RNF111: variants seen among roughly 807,000 people sequenced by gnomAD.
RNF111 encodes the protein ring finger protein 111, also known as E3 ubiquitin-protein ligase Arkadia.
RNF111 carries 17 observed loss-of-function variants against 95.1 expected under a neutral mutation model. That is an observed-to-expected ratio of 0.18 (90% confidence interval 0.12 to 0.27). The LOEUF (loss-of-function observed/expected upper bound fraction) is 0.27. Ranked by LOEUF, RNF111 falls within the 10% of genes least tolerant of loss-of-function variation. RNF111 has a pLI of 1.00. For synonymous variants in RNF111, 440 were observed against 414.8 expected (o/e 1.06, Z -0.74); for missense variants, 1,189 against 1,210.4 (o/e 0.98, Z 0.26).
chr15:58,990,522 C>T (rs766222162), intron 1 of RNF111, among the ~76,000 whole-genome samples: 28 of 152,106 alleles, frequency 1.8e-4, no homozygotes, highest in African/African-American at 5.6e-4. Context: ...TAGTGGTGTG[C>T]GCCTGTAGTC....
chr15:59,046,672 G>A (rs1350707626), intron 2 of RNF111, among the ~76,000 whole-genome samples: 3 of 152,094 alleles, frequency 2.0e-5, no homozygotes, highest in African/African-American at 4.8e-5. Flanking sequence ...TTAGACAAAG[G>A]TTTCTTAAAT....
At chr15:59,056,996 T>C (rs1483816698) in intron 4 of RNF111, among the ~76,000 whole-genome samples, 1 of 152,180 alleles carries the variant, frequency 6.6e-6, no homozygotes, top group Non-Finnish European at 1.5e-5. Flanking sequence ...TTCCCCCCAC[T>C]AGTTTTTCTC....
At chr15:59,070,891 A>G (rs16940989) in intron 6 of RNF111, among the ~76,000 whole-genome samples, 7,737 of 152,194 alleles carry the variant, frequency 0.051, 696 homozygotes, top group African/African-American at 0.18. Context: ...AGCTTCCAGT[A>G]TTGCACAGTT....
chr15:59,036,148 T>A (rs1232017888), intron 2 of RNF111, among the ~76,000 whole-genome samples: 1 of 152,096 alleles, frequency 6.6e-6, no homozygotes, highest in Non-Finnish European at 1.5e-5. Flanking sequence ...TGATCTTGGC[T>A]CACTGCAACC....
intron 12 of RNF111, among the ~76,000 whole-genome samples, chr15:59,092,203 TAAA>T (rs1373108598): frequency 7.2e-5 from 11 of 152,142 alleles, no homozygotes; most frequent in Non-Finnish European, 4.4e-5. Context: ...CATTCACTAA[TAAA>T]AAAAACTTAT....
chr15:59,072,256 ATTGAT>A (rs1341080090), intron 6 of RNF111, among the ~76,000 whole-genome samples: 3 of 152,104 alleles, frequency 2.0e-5, no homozygotes, highest in African/African-American at 7.2e-5. Flanking sequence ...AGTTTGCTGC[ATTGAT>A]TGACTGTTAC....
chr15:59,073,850 AT>A (rs1274981986), intron 6 of RNF111, among the ~76,000 whole-genome samples: 2 of 152,152 alleles, frequency 1.3e-5, no homozygotes, highest in Non-Finnish European at 2.9e-5. Context: ...TATGAAATGT[AT>A]TTCTTTAATA....
At chr15:59,076,318 ATTTAC>A in intron 7 of RNF111, 103 bp downstream of exon 7, 1 of 1,338,734 alleles carries the variant, frequency 7.5e-7, no homozygotes. Flanking sequence ...AATTTTTAGT[ATTTAC>A]TTGGCTTAAG....
Position 59,031,370 on chromosome 15 carries a change from A to C in RNF111, c.548A>C (p.Lys183Thr). ...KSRSHSARSH[K>T]WPRTETESVS... ...AGAAGCCATAGTGCACGGTCTCATA[A>C]GTGGCCTCGGACTGAGACAGAATCT... The change falls in exon 2 of 14, where the codon AAG (lysine) becomes ACG (threonine). Residue 183 changes from lysine to threonine, a missense_variant. By Grantham distance (78) the Lys-to-Thr change is moderately conservative. Around this residue, in one of 2 missense-constraint regions of RNF111, gnomAD observed 1,024 missense variants for 925.9 expected, o/e 1.11. Coordinates refer to ENST00000348370, the MANE Select transcript of RNF111 (RefSeq NM_017610.8). 1 of 1,614,206 alleles carries C rather than the reference A, an allele frequency of 6.2e-7. No individual in the cohort carries two copies. The highest frequency in any genetic ancestry group is 8.5e-7 in the Non-Finnish European group (1 of 1,180,038).
chr15:59,055,581 G>C (rs968738485), intron 3 of RNF111, 101 bp from the exon 4 acceptor site: 1 of 880,784 alleles, frequency 1.1e-6, no homozygotes, highest in South Asian at 2.6e-5. Flanking sequence ...GAGAAATCTT[G>C]TATGAAAAAC....
At chr15:59,002,538 A>AT (rs1286302390) in intron 1 of RNF111, among the ~76,000 whole-genome samples, 2 of 147,756 alleles carry the variant, frequency 1.4e-5, no homozygotes, top group Admixed American at 1.4e-4. Context: ...GAAAGCCCTC[A>AT]TAACTGTGCA....
intron 1 of RNF111, among the ~76,000 whole-genome samples, chr15:59,006,904 G>GC (rs1344313448): frequency 6.6e-6 from 1 of 152,120 alleles, no homozygotes; most frequent in South Asian, 2.1e-4. Context: ...CTCTGCCTCA[G>GC]CCCCCCGAGT....
chr15:59,058,647 A>T, intron 5 of RNF111, 97 bp downstream of exon 5: 1 of 1,068,560 alleles, frequency 9.4e-7, no homozygotes, highest in Non-Finnish European at 1.4e-6. Flanking sequence ...TATGTTAATA[A>T]GCGGGTATTC....
At chr15:59,069,585 A>G (rs1035424474) in intron 6 of RNF111, among the ~76,000 whole-genome samples, 59 of 152,162 alleles carry the variant, frequency 3.9e-4, no homozygotes, top group South Asian at 2.1e-4. Flanking sequence ...ACCTGTAAGT[A>G]TTAGTAGAAG....
chr15:59,029,706 G>A (rs2040811181), intron 1 of RNF111, among the ~76,000 whole-genome samples: 1 of 152,188 alleles, frequency 6.6e-6, no homozygotes, highest in Non-Finnish European at 1.5e-5. Context: ...AAACAAATCT[G>A]TGGTGTCAGA....
At chr15:59,013,098 G>A (rs2039906076) in intron 1 of RNF111, among the ~76,000 whole-genome samples, 1 of 152,152 alleles carries the variant, frequency 6.6e-6, no homozygotes, top group Non-Finnish European at 1.5e-5. Flanking sequence ...GGTGAAGTTA[G>A]AGAGCAGGGT....
chr15:59,066,383 G>C (rs1473598701), intron 5 of RNF111, among the ~76,000 whole-genome samples: 1 of 152,182 alleles, frequency 6.6e-6, no homozygotes, highest in Non-Finnish European at 1.5e-5. Flanking sequence ...GGCTGAGGCG[G>C]GCAGATCACC....
At chr15:59,046,863 A>AT (rs1938642094) in intron 2 of RNF111, among the ~76,000 whole-genome samples, 2 of 152,138 alleles carry the variant, frequency 1.3e-5, no homozygotes, top group African/African-American at 4.8e-5. Flanking sequence ...GGAACTCTTT[A>AT]TTTTTTATTA....
chr15:59,060,550 A>G (rs1425573192), intron 5 of RNF111, among the ~76,000 whole-genome samples: 2 of 152,180 alleles, frequency 1.3e-5, no homozygotes, highest in African/African-American at 4.8e-5. Flanking sequence ...CAGGAGAATC[A>G]TGTGATCCTG....
Sources: allele counts gnomAD v4.1 joint callset (sites outside exome capture counted in the v4.1 genomes callset), GRCh38; gene constraint gnomAD v4.1.1; regional missense constraint gnomAD v4.1.1; transcripts MANE v1.5; gene names NCBI Gene and HGNC (gene_info 2026-07-23, HGNC 2026-07-21).